GNA14: variants seen among roughly 807,000 people sequenced by gnomAD.
GNA14 encodes the protein guanine nucleotide-binding protein subunit alpha-14.
In GNA14, 50 loss-of-function variants were observed where a neutral mutation model predicts 42.0. That is an observed-to-expected ratio of 1.19 (90% CI 0.95 to 1.51). GNA14 has a LOEUF of 1.51. Among genes scored for constraint, GNA14 ranks in the 40% most tolerant of loss-of-function variants. The pLI is 0.00. For missense variants in GNA14, 473 were observed against 446.2 expected (o/e 1.06, Z -0.54); for synonymous variants, 173 against 163.1 (o/e 1.06, Z -0.46).
intron 2 of GNA14, among the ~76,000 whole-genome samples, chr9:77,469,947 C>G (rs1236006054): frequency 6.6e-6 from 1 of 152,134 alleles, no homozygotes; most frequent in African/African-American, 2.4e-5. Flanking sequence ...TGTAAAAAAG[C>G]AAAACTGTAC....
intron 2 of GNA14, among the ~76,000 whole-genome samples, chr9:77,502,313 A>T (rs1030281719): frequency 1.3e-5 from 2 of 152,106 alleles, no homozygotes; most frequent in Non-Finnish European, 2.9e-5. Context: ...TCAGTTTGAG[A>T]TCTTCCTGAT....
At chr9:77,571,904 A>G (rs969288765) in intron 1 of GNA14, among the ~76,000 whole-genome samples, 13 of 152,300 alleles carry the variant, frequency 8.5e-5, no homozygotes, top group African/African-American at 3.1e-4. Context: ...ATAAACATAT[A>G]TTACTAAAAT....
At chr9:77,550,855 G>A (rs931745146) in intron 1 of GNA14, among the ~76,000 whole-genome samples, 2 of 152,134 alleles carry the variant, frequency 1.3e-5, no homozygotes, top group South Asian at 2.1e-4. Flanking sequence ...GGTCACCTTC[G>A]TATTCACTCT....
At chr9:77,505,283 T>A (rs1837049898) in intron 2 of GNA14, among the ~76,000 whole-genome samples, 1 of 152,208 alleles carries the variant, frequency 6.6e-6, no homozygotes, top group Admixed American at 6.5e-5. Flanking sequence ...TATCTTTCAA[T>A]CTCTTTAAAT....
intron 2 of GNA14, among the ~76,000 whole-genome samples, chr9:77,511,249 A>G (rs1587808634): frequency 6.6e-6 from 1 of 152,090 alleles, no homozygotes; most frequent in Admixed American, 6.5e-5. Context: ...TCTGGGTTAC[A>G]CAGCTAATTA....
At chr9:77,476,570 G>C (rs1836427804) in intron 2 of GNA14, among the ~76,000 whole-genome samples, 1 of 152,156 alleles carries the variant, frequency 6.6e-6, no homozygotes, top group Non-Finnish European at 1.5e-5. Context: ...AAGAATAAGG[G>C]CCATACTGCC....
rs200505516 is a variant in GNA14 at position 77,488,036 on chromosome 9, GA to G, written c.309+41032del. ...ATTGATAATGTGGAAGATTCAGGGA[GA>G]AAAAAAAACACTTAAAGCAATGTAC... On this transcript the variant is annotated intron_variant, in intron 2 of 6. Transcript: ENST00000341700. 5.5e-4 allele frequency among the ~76,000 whole-genome samples: 83 copies of G among 150,624 alleles called. 1 individual carries two copies. The East Asian group carries it at 0.012, about 22-fold the overall frequency.
At chr9:77,457,100 C>G (rs1183703328) in intron 2 of GNA14, among the ~76,000 whole-genome samples, 2 of 152,220 alleles carry the variant, frequency 1.3e-5, no homozygotes, top group East Asian at 3.9e-4. Context: ...CTAACACTTA[C>G]AAAGTTTCAG....
chr9:77,535,969 A>G (rs1054926157), intron 1 of GNA14, among the ~76,000 whole-genome samples: 1 of 150,600 alleles, frequency 6.6e-6, no homozygotes, highest in East Asian at 2.0e-4. Flanking sequence ...CTGTTTTTCA[A>G]TTTCCGGGGG....
chr9:77,433,486 A>C (rs997597414), intron 3 of GNA14, among the ~76,000 whole-genome samples: 12 of 151,984 alleles, frequency 7.9e-5, no homozygotes, highest in Admixed American at 7.2e-4. Context: ...TCCTAGGCTC[A>C]AGACATCCTC....
intron 2 of GNA14, among the ~76,000 whole-genome samples, chr9:77,467,563 C>T (rs1373725614): frequency 6.0e-5 from 9 of 150,902 alleles, no homozygotes; most frequent in African/African-American, 2.2e-4. Flanking sequence ...TCACCACCAA[C>T]ATGTCTACTG....
At chr9:77,469,693 C>T (rs1161363793) in intron 2 of GNA14, among the ~76,000 whole-genome samples, 1 of 152,176 alleles carries the variant, frequency 6.6e-6, no homozygotes, top group Non-Finnish European at 1.5e-5. Context: ...CTGTGCATTA[C>T]ATCATACAGA....
chr9:77,484,845 T>C (rs1836629302), intron 2 of GNA14, among the ~76,000 whole-genome samples: 1 of 152,236 alleles, frequency 6.6e-6, no homozygotes, highest in African/African-American at 2.4e-5. Flanking sequence ...TTGTAGTCTA[T>C]TAAGTGTGCA....
intron 1 of GNA14, among the ~76,000 whole-genome samples, chr9:77,556,714 C>G (rs904330678): frequency 1.3e-5 from 2 of 152,108 alleles, no homozygotes; most frequent in African/African-American, 2.4e-5. Context: ...TTGTGCCACT[C>G]ACTAATGTGC....
At chr9:77,599,825 C>T (rs970387473) in intron 1 of GNA14, among the ~76,000 whole-genome samples, 43 of 152,204 alleles carry the variant, frequency 2.8e-4, no homozygotes, top group African/African-American at 9.9e-4. Flanking sequence ...TATAGGTGTC[C>T]GTCTCCCAGG....
chr9:77,446,865 G>T, intron 2 of GNA14, among the ~76,000 whole-genome samples: 1 of 152,126 alleles, frequency 6.6e-6, no homozygotes, highest in East Asian at 1.9e-4. Context: ...AGCATGGGAG[G>T]TTCTAGGCTA....
chr9:77,517,709 G>C (rs974389162), intron 2 of GNA14, among the ~76,000 whole-genome samples: 1 of 140,848 alleles, frequency 7.1e-6, no homozygotes, highest in African/African-American at 2.7e-5. Flanking sequence ...CCAGGCTCAG[G>C]TGATTCTCCC....
chr9:77,452,063 C>T (rs1226923114), intron 2 of GNA14, among the ~76,000 whole-genome samples: 1 of 152,164 alleles, frequency 6.6e-6, no homozygotes, highest in Non-Finnish European at 1.5e-5. Flanking sequence ...GCGGATATAA[C>T]TCCACAGAGG....
intron 2 of GNA14, among the ~76,000 whole-genome samples, chr9:77,463,159 G>C: frequency 6.6e-6 from 1 of 152,302 alleles, no homozygotes; most frequent in South Asian, 2.1e-4. Context: ...TTGGATTTCA[G>C]AGCAAAAGTG....
Sources: gnomAD v4.1 joint callset for allele counts (sites outside exome capture counted in the v4.1 genomes callset) on GRCh38, gnomAD v4.1.1 for gene constraint, MANE v1.5 for transcripts, NCBI Gene and HGNC (gene_info 2026-07-23, HGNC 2026-07-21) for gene names.